Variants in TTC29 observed in about 807,000 individuals in gnomAD.
TTC29 encodes the protein tetratricopeptide repeat protein 29.
Under a neutral mutation model 58.1 loss-of-function variants are expected in TTC29, and 49 were observed. That is an observed-to-expected ratio of 0.84 (90% CI 0.67 to 1.07). The LOEUF is 1.07. TTC29 is among the 50% of genes least tolerant of loss of function. The pLI is 0.00. For synonymous variants in TTC29, 209 were observed against 196.8 expected, an observed-to-expected ratio of 1.06 and a Z score of -0.52; for missense variants, 582 against 555.6, an observed-to-expected ratio of 1.05 and a Z score of -0.48.
intron 8 of TTC29, among the ~76,000 whole-genome samples, chr4:146,864,967 T>A (rs984083574): frequency 6.6e-6 from 1 of 151,702 alleles, no homozygotes; most frequent in African/African-American, 2.4e-5. Flanking sequence ...CTTTATGAAA[T>A]AAGTACAGTT....
Position 146,820,118 on chromosome 4 carries a change from G to A in TTC29, c.1101+7C>T. On this transcript the variant is annotated splice_region_variant and intron_variant, in intron 10 of 12. Coordinates refer to ENST00000325106, the MANE Select transcript of TTC29 (RefSeq NM_031956.4). ...TTTCTCTATAAACAAGAAACACATA[G>A]ACTCACTTTTTCATTGTAGATGTCC... 6.2e-7 allele frequency: 1 copy of A among 1,612,160 alleles called. No homozygotes were observed. The highest frequency in any genetic ancestry group is 8.5e-7 in the Non-Finnish European group (1 of 1,179,704).
chr4:146,932,256 A>AC (rs1735391540), intron 4 of TTC29, among the ~76,000 whole-genome samples: 1 of 152,202 alleles, frequency 6.6e-6, no homozygotes, highest in South Asian at 2.1e-4. Flanking sequence ...AGCAGGAAAC[A>AC]GGGGTTCTTC....
At chr4:146,873,069 G>A (rs1226002490) in intron 7 of TTC29, among the ~76,000 whole-genome samples, 1 of 152,106 alleles carries the variant, frequency 6.6e-6, no homozygotes, top group Non-Finnish European at 1.5e-5. Flanking sequence ...TAAGTAAAAG[G>A]TGTTGGCTGA....
chr4:146,844,676 C>T (rs972808516), intron 8 of TTC29, among the ~76,000 whole-genome samples: 1 of 152,134 alleles, frequency 6.6e-6, no homozygotes, highest in African/African-American at 2.4e-5. Context: ...CCACTGTGCC[C>T]AGCCCCCAGC....
intron 7 of TTC29, among the ~76,000 whole-genome samples, chr4:146,868,935 G>C (rs1730743909): frequency 6.6e-6 from 1 of 151,852 alleles, no homozygotes; most frequent in African/African-American, 2.4e-5. Flanking sequence ...GTCCACATGA[G>C]AGCTGATTGC....
At chr4:146,754,850 A>T (rs1458020515) in intron 11 of TTC29, among the ~76,000 whole-genome samples, 5 of 152,120 alleles carry the variant, frequency 3.3e-5, no homozygotes, top group Non-Finnish European at 4.4e-5. Flanking sequence ...ATCAGGCAAG[A>T]TGCCCATTGT....
intron 10 of TTC29, 87 bp from the exon 11 acceptor site, chr4:146,803,772 A>T: frequency 9.5e-7 from 1 of 1,056,412 alleles, no homozygotes; most frequent in Non-Finnish European, 1.3e-6. Flanking sequence ...CATGTCCCAC[A>T]CTGACCTTTC....
chr4:146,913,859 A>C (rs1004527445), intron 4 of TTC29, among the ~76,000 whole-genome samples: 7 of 152,182 alleles, frequency 4.6e-5, no homozygotes, highest in African/African-American at 1.7e-4. Flanking sequence ...TTTCAGCTTC[A>C]AACATCTGTG....
At chr4:146,820,884 T>A (rs745635712) in intron 9 of TTC29, among the ~76,000 whole-genome samples, 43 of 151,994 alleles carry the variant, frequency 2.8e-4, no homozygotes, top group Non-Finnish European at 5.0e-4. Flanking sequence ...TATAAAAAAT[T>A]AGCCAGGCAT....
chr4:146,844,932 A>T (rs2150174362), intron 8 of TTC29, among the ~76,000 whole-genome samples: 1 of 152,314 alleles, frequency 6.6e-6, no homozygotes, highest in East Asian at 1.9e-4. Context: ...AAGGAACAGC[A>T]AGAGACCAAC....
chr4:146,859,549 G>A (rs951416316), intron 8 of TTC29, among the ~76,000 whole-genome samples: 5 of 151,958 alleles, frequency 3.3e-5, no homozygotes, highest in South Asian at 2.1e-4. Context: ...TCAAACCAGC[G>A]TTATCCCTAC....
chr4:146,861,620 T>C (rs1730237363), intron 8 of TTC29, among the ~76,000 whole-genome samples: 1 of 152,318 alleles, frequency 6.6e-6, no homozygotes, highest in South Asian at 2.1e-4. Context: ...GTTTTATTCA[T>C]ATGCTTGTCT....
rs1379772950 is a variant in TTC29 at position 146,715,215 on chromosome 4, CTA to C, written c.1331-7666_1331-7665del. On this transcript the variant is annotated intron_variant, in intron 11 of 12. Coordinates refer to ENST00000325106, the MANE Select transcript of TTC29 (RefSeq NM_031956.4). ...GCCATTATGGAGGTTTCTCAAAAAA[CTA>C]TAAAACTAGAACTATCATGCAATCC... 5.9e-5 allele frequency among the ~76,000 whole-genome samples: 9 copies of C among 152,160 alleles called. No homozygotes were observed. The South Asian group carries it at 1.2e-3, about 21-fold the overall frequency.
chr4:146,847,984 C>A (rs188673166), intron 8 of TTC29, among the ~76,000 whole-genome samples: 1 of 152,306 alleles, frequency 6.6e-6, no homozygotes, highest in African/African-American at 2.4e-5. Flanking sequence ...ACTGTGGATA[C>A]CTTTTCCTCC....
intron 6 of TTC29, among the ~76,000 whole-genome samples, chr4:146,877,854 G>A (rs1561213165): frequency 6.6e-6 from 1 of 152,138 alleles, no homozygotes. Context: ...AGAGGCAAAT[G>A]AGGTATAATG....
chr4:146,835,727 T>C (rs930826741), intron 8 of TTC29, among the ~76,000 whole-genome samples: 2 of 152,168 alleles, frequency 1.3e-5, no homozygotes, highest in African/African-American at 4.8e-5. Flanking sequence ...GTGCTTATAT[T>C]GCACCACTCT....
chr4:146,711,929 C>T (rs188526326), intron 11 of TTC29, among the ~76,000 whole-genome samples: 12 of 152,002 alleles, frequency 7.9e-5, no homozygotes, highest in East Asian at 3.9e-4. Flanking sequence ...CTGAAGAGAA[C>T]GAAGTTCTGT....
intron 6 of TTC29, among the ~76,000 whole-genome samples, chr4:146,893,699 A>C (rs1404590888): frequency 6.6e-6 from 1 of 152,194 alleles, no homozygotes; most frequent in African/African-American, 2.4e-5. Context: ...TAATTAAACT[A>C]AAGAGCTTCT....
At chr4:146,804,639 C>A (rs1444249327) in intron 10 of TTC29, among the ~76,000 whole-genome samples, 1 of 152,142 alleles carries the variant, frequency 6.6e-6, no homozygotes, top group Non-Finnish European at 1.5e-5. Flanking sequence ...CTGGGTGGAG[C>A]ACACCACAGC....
Sources: gnomAD v4.1 joint callset for allele counts (sites outside exome capture counted in the v4.1 genomes callset) on GRCh38, gnomAD v4.1.1 for gene constraint, MANE v1.5 for transcripts, NCBI Gene and HGNC (gene_info 2026-07-23, HGNC 2026-07-21) for gene names.